Variants in G3BP2 observed in about 807,000 individuals in gnomAD.
The protein encoded by G3BP2 is ras GTPase-activating protein-binding protein 2.
In G3BP2, 11 loss-of-function variants were observed where a neutral mutation model predicts 56.7. The ratio of observed to expected loss-of-function variants is 0.19; its 90% CI spans 0.12 to 0.32. The LOEUF (loss-of-function observed/expected upper bound fraction) is 0.32, where lower values mean the gene tolerates loss of function less well. Ranked by LOEUF, G3BP2 falls within the 10% of genes least tolerant of loss-of-function variation. G3BP2 has a pLI of 1.00. For missense variants in G3BP2, 340 were observed against 610.9 expected (o/e 0.56, Z 4.67); for synonymous variants, 165 against 191.6 (o/e 0.86, Z 1.15).
chr4:75,673,401 G>T lies in G3BP2; in HGVS notation c.-218C>A. On this transcript the variant is annotated 5_prime_UTR_variant, in exon 1 of 12. Coordinates refer to ENST00000359707, the MANE Select transcript of G3BP2 (RefSeq NM_203505.3). ...GCCAGGCGCTGCGACGTGCGACAAGGACCACGGACGTCCCGCCCCCTTTGC... is the reference window on the plus strand; with the variant it reads ...GCCAGGCGCTGCGACGTGCGACAAGTACCACGGACGTCCCGCCCCCTTTGC... 8.1e-7 allele frequency: 1 copy of T among 1,232,258 alleles called. No individual in the cohort carries two copies. The highest frequency in any genetic ancestry group is 1.0e-6 in the Non-Finnish European group (1 of 988,056). The allele number at this position is 1,232,258 out of a possible 1,614,324, so 76.3% of individuals were successfully genotyped here.
chr4:75,646,503 T>A (rs1304066199), intron 10 of G3BP2, 47 bp from the exon 11 acceptor site: 5 of 1,013,972 alleles, frequency 4.9e-6, no homozygotes, highest in Non-Finnish European at 4.7e-6. Flanking sequence ...TTTAACAGAA[T>A]ACCTTGATGG....
At chr4:75,722,792 C>T (rs1411397028) in intron 1 of G3BP2, among the ~76,000 whole-genome samples, 1 of 152,100 alleles carries the variant, frequency 6.6e-6, no homozygotes, top group Admixed American at 6.5e-5. Context: ...AATGTTGGCA[C>T]TAGGAAACAC....
chr4:75,697,912 C>A (rs1474085047), intron 3 of G3BP2, among the ~76,000 whole-genome samples: 1 of 150,306 alleles, frequency 6.7e-6, no homozygotes, highest in Non-Finnish European at 1.5e-5. Flanking sequence ...CCAGCCTGGG[C>A]AACAGAGTGA....
intron 2 of G3BP2, among the ~76,000 whole-genome samples, chr4:75,720,977 A>C (rs959165152): frequency 4.4e-5 from 6 of 136,694 alleles, no homozygotes; most frequent in Non-Finnish European, 6.1e-5. Context: ...TCTCTACAAA[A>C]AAAAAAAAAA....
At chr4:75,658,449 G>A (rs951194881) in intron 3 of G3BP2, among the ~76,000 whole-genome samples, 3 of 149,576 alleles carry the variant, frequency 2.0e-5, no homozygotes, top group Non-Finnish European at 3.0e-5. Flanking sequence ...AAAAAAAGCC[G>A]GCCGGGCGCG....
chr4:75,674,720 T>TATATATATATA (rs33996257), upstream of G3BP2, among the ~76,000 whole-genome samples: 84 of 54,488 alleles, frequency 1.5e-3, no homozygotes, highest in South Asian at 4.4e-3. Context: ...ATATATATAT[T>TATATATATATA]TTTTTTTTTT....
intron 3 of G3BP2, among the ~76,000 whole-genome samples, chr4:75,711,612 C>T (rs1415603490): frequency 6.6e-6 from 1 of 152,086 alleles, no homozygotes; most frequent in Admixed American, 6.6e-5. Context: ...ACTCAGGAGG[C>T]TGAGGCAGGA....
In G3BP2 at chr4:75,673,372, G is replaced by T; in HGVS notation, c.-189C>A. On this transcript the variant is annotated 5_prime_UTR_variant, in exon 1 of 12. Coordinates refer to ENST00000359707, the MANE Select transcript of G3BP2 (RefSeq NM_203505.3). ...GTCTGCCTCACAACCACCTCTTCCC[G>T]GGCGCCAGGCGCTGCGACGTGCGAC... 1 of 1,230,940 alleles carries T rather than the reference G, an allele frequency of 8.1e-7. No individual in the cohort carries two copies. The highest frequency in any genetic ancestry group is 4.1e-5 in the South Asian group (1 of 24,284). The allele number at this position is 1,230,940 out of a possible 1,614,324, so 76.3% of individuals were successfully genotyped here.
rs1733660589 is a variant in G3BP2 at position 75,673,294 on chromosome 4, G to GC, written c.-112dup. 5.7e-6 allele frequency: 7 copies of GC among 1,226,226 alleles called. No homozygotes were observed. In the South Asian group the frequency reaches 3.0e-4, roughly 52 times the overall value. The allele number at this position is 1,226,226 out of a possible 1,614,324, so 76.0% of individuals were successfully genotyped here. A position where few individuals can be genotyped will look rare whatever the true frequency, so the allele number is the denominator to read the frequency against. On this transcript the variant is annotated 5_prime_UTR_variant, in exon 1 of 12. Transcript: ENST00000359707. ...GTGCGGCGGGTTCTTATTGCTCGCC[G>GC]CCCCCTTCCTCCGACAACTCGGAAG... is the stretch of plus-strand genomic sequence containing the variant.
At chr4:75,719,883 C>T (rs755608345) in intron 3 of G3BP2, among the ~76,000 whole-genome samples, 1 of 151,988 alleles carries the variant, frequency 6.6e-6, no homozygotes, top group Non-Finnish European at 1.5e-5. Context: ...GTTACCGTGC[C>T]CGGCCTGGTC....
At chr4:75,674,414 G>A (rs920879908), upstream of G3BP2, among the ~76,000 whole-genome samples, 1 of 151,996 alleles carries the variant, frequency 6.6e-6, no homozygotes, top group East Asian at 1.9e-4. Flanking sequence ...AAGACAATAC[G>A]TCAAATACCT....
Position 75,664,319 on chromosome 4 carries a change from G to T in G3BP2, c.-24-2270C>A, listed in dbSNP as rs548893132. Among the ~76,000 whole-genome samples the T allele has an allele frequency of 1.5e-4, 22 of 150,540 alleles. No individual in the cohort carries two copies. The South Asian group carries it at 4.9e-3, about 33-fold the overall frequency. On this transcript the variant is annotated intron_variant, in intron 1 of 11. Transcript: ENST00000359707. Reference sequence around the variant, plus strand: ...TAGCCAGGTGCGGTGGCTGACGCCTGTAATCCCAGCACTTCAGGAGGCCAA... The same window carrying T: ...TAGCCAGGTGCGGTGGCTGACGCCTTTAATCCCAGCACTTCAGGAGGCCAA...
At chr4:75,656,261 G>A (rs527949950) in intron 5 of G3BP2, among the ~76,000 whole-genome samples, 5 of 151,010 alleles carry the variant, frequency 3.3e-5, no homozygotes, top group African/African-American at 9.8e-5. Flanking sequence ...CAAAACACTG[G>A]GATTCCGGGC....
intron 5 of G3BP2, 49 bp from the exon 6 acceptor site, chr4:75,655,919 TCTAA>T (rs1732063971): frequency 1.1e-6 from 1 of 945,320 alleles, no homozygotes; most frequent in Admixed American, 1.8e-5. Flanking sequence ...CTTCACAATT[TCTAA>T]CGGACATATT....
At chr4:75,666,866 G>A (rs763274903) in intron 1 of G3BP2, among the ~76,000 whole-genome samples, 1 of 152,278 alleles carries the variant, frequency 6.6e-6, no homozygotes, top group African/African-American at 2.4e-5. Context: ...GAATATGGGA[G>A]TAAAAGGTTT....
At chr4:75,648,365 CAAAAA>C (rs35170246) in intron 9 of G3BP2, among the ~76,000 whole-genome samples, 100 of 142,518 alleles carry the variant, frequency 7.0e-4, no homozygotes, top group African/African-American at 9.0e-4. Flanking sequence ...AACAAACAAA[CAAAAA>C]AAAAAAACAA....
chr4:75,654,832 A>C (rs1025833780), intron 7 of G3BP2: 5 of 489,412 alleles, frequency 1.0e-5, no homozygotes, highest in South Asian at 3.2e-5. Context: ...GTTACTAAAC[A>C]ATGCATACAG....
At chr4:75,684,384 G>A (rs1387080337) in intron 3 of G3BP2, among the ~76,000 whole-genome samples, 2 of 151,758 alleles carry the variant, frequency 1.3e-5, no homozygotes, top group Non-Finnish European at 2.9e-5. Flanking sequence ...TGGCCTGGGC[G>A]ACAGAGTTAG....
chr4:75,674,718 A>AT (rs71203842), upstream of G3BP2, among the ~76,000 whole-genome samples: 86 of 71,420 alleles, frequency 1.2e-3, no homozygotes, highest in South Asian at 3.3e-3. Flanking sequence ...ATATATATAT[A>AT]TTTTTTTTTT....
Sources: gnomAD v4.1 joint callset for allele counts (sites outside exome capture counted in the v4.1 genomes callset) on GRCh38, gnomAD v4.1.1 for gene constraint, MANE v1.5 for transcripts, NCBI Gene and HGNC (gene_info 2026-07-23, HGNC 2026-07-21) for gene names.